The following SETBP1 variants were observed in gnomAD, a reference collection of about 807,000 sequenced individuals.
SETBP1 encodes the protein SET binding protein 1, also known as SET-binding protein.
In SETBP1, 9 loss-of-function variants were observed where a neutral mutation model predicts 101.0. That is an observed-to-expected ratio of 0.09 (90% CI 0.05 to 0.16). The LOEUF is 0.16. SETBP1 is among the 10% of genes least tolerant of loss of function. SETBP1 has a pLI of 1.00. For missense variants in SETBP1, 1,858 were observed against 2,033.8 expected (o/e 0.91, Z 1.66); for synonymous variants, 818 against 788.5 (o/e 1.04, Z -0.63).
chr18:45,038,602 C>T lies in SETBP1; in HGVS notation c.4118C>T (p.Pro1373Leu). Residue 1373 changes from proline to leucine, a missense_variant, in exon 5 of 6, where the codon CCA (proline) becomes CTA (leucine). By Grantham distance (98) the Pro-to-Leu change is moderately conservative. Coordinates refer to ENST00000649279, the MANE Select transcript of SETBP1 (RefSeq NM_015559.3). ...GCCGCAGTTGACAGTGTTACAATTC[C>T]ACCAGCCCCAGTGTTATCTCTCCTT... ...KPAAVDSVTI[P>L]PAPVLSLLAA... The T allele has an allele frequency of 6.2e-7, 1 of 1,614,200 alleles. No homozygotes were observed. The highest frequency in any genetic ancestry group is 8.5e-7 in the Non-Finnish European group (1 of 1,180,032).
At chr18:44,784,690 A>T (rs753887994) in intron 2 of SETBP1, among the ~76,000 whole-genome samples, 1 of 152,236 alleles carries the variant, frequency 6.6e-6, no homozygotes, top group Non-Finnish European at 1.5e-5. Context: ...TGTATACCAA[A>T]CACCCAGAAC....
intron 2 of SETBP1, among the ~76,000 whole-genome samples, chr18:44,789,939 G>A (rs1046765244): frequency 2.0e-5 from 3 of 152,164 alleles, no homozygotes; most frequent in African/African-American, 7.2e-5. Flanking sequence ...AGAAGTCATT[G>A]TGTGACAAGC....
intron 4 of SETBP1, among the ~76,000 whole-genome samples, chr18:44,993,284 G>A (rs2072419401): frequency 6.6e-6 from 1 of 151,966 alleles, no homozygotes; most frequent in Non-Finnish European, 1.5e-5. Context: ...TCTATTCAAA[G>A]TTACATTACA....
chr18:44,798,682 C>G (rs1360354582), intron 2 of SETBP1, among the ~76,000 whole-genome samples: 1 of 152,192 alleles, frequency 6.6e-6, no homozygotes, highest in African/African-American at 2.4e-5. Flanking sequence ...CTACTCTTCT[C>G]TGATGCTGTG....
chr18:44,690,204 TAAAC>T (rs2068906362), intron 1 of SETBP1, among the ~76,000 whole-genome samples: 1 of 152,134 alleles, frequency 6.6e-6, no homozygotes, highest in Non-Finnish European at 1.5e-5. Flanking sequence ...GAGAAGGAAA[TAAAC>T]AAGATTCAGT....
intron 2 of SETBP1, among the ~76,000 whole-genome samples, chr18:44,711,423 T>TCTCCCTTCCTTC (rs1285484024): frequency 1.2e-3 from 156 of 131,918 alleles, no homozygotes; most frequent in African/African-American, 4.2e-3. Context: ...TCCCTCCCTT[T>TCTCCCTTCCTTC]CTCCCTTCCT....
chr18:44,912,611 G>A (rs1013458837), intron 3 of SETBP1, among the ~76,000 whole-genome samples: 1 of 152,028 alleles, frequency 6.6e-6, no homozygotes, highest in African/African-American at 2.4e-5. Context: ...TAGAGAAGGG[G>A]TTTCATCGTG....
At chr18:45,008,734 G>T (rs2072778552) in intron 4 of SETBP1, among the ~76,000 whole-genome samples, 1 of 152,130 alleles carries the variant, frequency 6.6e-6, no homozygotes, top group Non-Finnish European at 1.5e-5. Context: ...CTAGGTAAAG[G>T]CAAGGCTGTG....
At chr18:44,747,238 C>G (rs2070275958) in intron 2 of SETBP1, among the ~76,000 whole-genome samples, 1 of 152,178 alleles carries the variant, frequency 6.6e-6, no homozygotes, top group African/African-American at 2.4e-5. Context: ...GGGTTTTGCT[C>G]TTGGTTCTCC....
At chr18:44,733,004 GA>G (rs111755481) in intron 2 of SETBP1, 9 of 149,036 alleles carry the variant, frequency 6.0e-5, no homozygotes, top group South Asian at 2.2e-4. Context: ...TTTGGGCCAG[GA>G]AAAAAAAAAT....
intron 5 of SETBP1, among the ~76,000 whole-genome samples, chr18:45,053,161 G>A (rs1490296772): frequency 2.0e-5 from 3 of 152,000 alleles, no homozygotes; most frequent in Non-Finnish European, 4.4e-5. Context: ...AAAAAATGTA[G>A]CTTTTTTTAA....
intron 3 of SETBP1, among the ~76,000 whole-genome samples, chr18:44,884,288 T>G (rs904016220): frequency 6.6e-6 from 1 of 152,178 alleles, no homozygotes; most frequent in Non-Finnish European, 1.5e-5. Context: ...TTCACCTCAT[T>G]TGGCATAAGA....
chr18:44,971,041 A>G (rs2145192719), intron 4 of SETBP1, among the ~76,000 whole-genome samples: 1 of 150,778 alleles, frequency 6.6e-6, no homozygotes, highest in Middle Eastern at 3.4e-3. Context: ...CCACCCCACA[A>G]CAGGCCCCAG....
In SETBP1 at chr18:44,891,634, C is replaced by T. The variant is rs1291415976; in HGVS notation, c.540+22351C>T. On this transcript the variant is annotated intron_variant, in intron 3 of 5. Transcript: ENST00000649279. ...GCTGTTAACTCAGGCTGCAAATGTT[C>T]TATTCCTGAAAAAAAAATGTATTTG... 4.4e-5 allele frequency among the ~76,000 whole-genome samples: 5 copies of T among 114,874 alleles called. No individual in the cohort carries two copies. The Middle Eastern group carries it at 0.018, about 403-fold the overall frequency. 75.4% of individuals were successfully genotyped at this position (114,874 alleles called of 152,430 possible).
chr18:44,913,006 C>T (rs1204309836), intron 3 of SETBP1, among the ~76,000 whole-genome samples: 1 of 152,130 alleles, frequency 6.6e-6, no homozygotes, highest in Non-Finnish European at 1.5e-5. Context: ...GGCTTTTATC[C>T]CCCAGGAACC....
In SETBP1 at chr18:44,698,985, A is replaced by T. The variant is rs1014031911; in HGVS notation, c.-172-2190A>T. Among the ~76,000 whole-genome samples, 4 of 152,134 alleles carry T rather than the reference A, an allele frequency of 2.6e-5. 1 individual carries two copies. The South Asian group carries it at 8.3e-4, about 32-fold the overall frequency. ...AGTGAATCTTTTTTTAATGGAAGAT[A>T]TTTTCTTAATATTAATAATATATTC... On this transcript the variant is annotated intron_variant, in intron 1 of 5. Transcript: ENST00000649279.
chr18:44,739,522 T>C (rs956184612), intron 2 of SETBP1, among the ~76,000 whole-genome samples: 1 of 152,192 alleles, frequency 6.6e-6, no homozygotes, highest in Non-Finnish European at 1.5e-5. Flanking sequence ...TTTCAAGATA[T>C]GTTTTAATAA....
intron 5 of SETBP1, among the ~76,000 whole-genome samples, chr18:45,039,355 G>A (rs574023621): frequency 6.6e-6 from 1 of 152,288 alleles, no homozygotes; most frequent in East Asian, 1.9e-4. Flanking sequence ...CCTCCACTGT[G>A]TCAGTCTCAT....
At chr18:44,927,152 C>G (rs2070723882) in intron 3 of SETBP1, among the ~76,000 whole-genome samples, 1 of 152,156 alleles carries the variant, frequency 6.6e-6, no homozygotes, top group African/African-American at 2.4e-5. Context: ...TCCTTCACAA[C>G]TAAGATTTCA....
Sources: allele counts gnomAD v4.1 joint callset (sites outside exome capture counted in the v4.1 genomes callset), GRCh38; gene constraint gnomAD v4.1.1; transcripts MANE v1.5; gene names NCBI Gene and HGNC (gene_info 2026-07-23, HGNC 2026-07-21).